MMP8: variants seen among roughly 807,000 people sequenced by gnomAD.
The protein encoded by MMP8 is matrix metallopeptidase 8, also known as neutrophil collagenase.
MMP8 carries 67 observed loss-of-function variants against 51.2 expected under a neutral mutation model. The ratio of observed to expected loss-of-function variants is 1.31; its 90% CI spans 1.08 to 1.60. The LOEUF is 1.60. Ranked by LOEUF, MMP8 falls within the 40% of genes most tolerant of loss-of-function variation. The pLI, the probability that MMP8 is intolerant of heterozygous loss-of-function variation, is 0.00. For missense variants in MMP8, 654 were observed against 558.1 expected (o/e 1.17, Z -1.73); for synonymous variants, 225 against 191.0 (o/e 1.18, Z -1.47).
intron 4 of MMP8, among the ~76,000 whole-genome samples, 195 bp from the exon 5 acceptor site, chr11:102,718,770 G>A (rs764896358): frequency 1.7e-4 from 26 of 152,188 alleles, no homozygotes; most frequent in Admixed American, 3.3e-4. Flanking sequence ...CATAGATGGC[G>A]ACTAGGTGAG....
chr11:102,718,694 C>T, intron 4 of MMP8, 119 bp from the exon 5 acceptor site: 2 of 1,080,138 alleles, frequency 1.9e-6, no homozygotes, highest in Non-Finnish European at 2.7e-6. Flanking sequence ...CTTCCCATGG[C>T]TGTCTTTTTC....
rs1321845698 is a variant in MMP8 at position 102,712,554 on chromosome 11, G to A, written c.*794C>T. On this transcript the variant is annotated 3_prime_UTR_variant, in exon 10 of 10. Coordinates refer to ENST00000236826, the MANE Select transcript of MMP8 (RefSeq NM_002424.3). ...AGGCTATTGGAGGGAATCCTTCCTT[G>A]CCTCTTCAAAGCTTCTACTGGTGGC... The A allele has an allele frequency of 6.6e-6, 1 of 152,172 alleles. No homozygotes were observed. The highest frequency in any genetic ancestry group is 2.4e-5 in the African/African-American group (1 of 41,416). The allele number at this position is 152,172 out of a possible 1,614,324, so 9.4% of individuals were successfully genotyped here. A position where few individuals can be genotyped will look rare whatever the true frequency, so the allele number is the denominator to read the frequency against.
In MMP8 at chr11:102,714,546, T is replaced by C; in HGVS notation, c.1190+10A>G. 7.0e-7 allele frequency: 1 copy of C among 1,426,216 alleles called. No individual in the cohort carries two copies. The highest frequency in any genetic ancestry group is 9.2e-7 in the Non-Finnish European group (1 of 1,081,784). The allele number at this position is 1,426,216 out of a possible 1,614,324, so 88.3% of individuals were successfully genotyped here. On this transcript the variant is annotated intron_variant, in intron 8 of 9. Coordinates refer to ENST00000236826, the MANE Select transcript of MMP8 (RefSeq NM_002424.3). ...TTTCAACCTATAATTGAAAAAATAG[T>C]TTACGTTACCTCCAGAATTGGTCAT...
chr11:102,719,459 T>C (rs1402649925), intron 4 of MMP8, among the ~76,000 whole-genome samples: 1 of 152,228 alleles, frequency 6.6e-6, no homozygotes, highest in East Asian at 1.9e-4. Context: ...GCAATCCTCA[T>C]AACATTTTTC....
intron 8 of MMP8, 44 bp from the exon 9 acceptor site, chr11:102,713,901 T>C: frequency 1.4e-6 from 2 of 1,469,926 alleles, no homozygotes; most frequent in Non-Finnish European, 9.2e-7. Flanking sequence ...CAATACAGAA[T>C]ATAACGAAAA....
Position 102,713,092 on chromosome 11 carries a change from G to T in MMP8, c.*256C>A, listed in dbSNP as rs1225289485. ...AAGTATTGAAATAGTAAATATTGAG[G>T]TGACAAAAAGGCTTACTTTCCTTCT... On this transcript the variant is annotated 3_prime_UTR_variant, in exon 10 of 10. Transcript: ENST00000236826. The T allele has an allele frequency of 2.9e-6, 1 of 340,462 alleles. No homozygotes were observed. Among genetic ancestry groups the T allele is most frequent in the African/African-American group, 2.1e-5 (1 of 46,788 alleles). 21.1% of individuals were successfully genotyped at this position (340,462 alleles called of 1,614,324 possible). A position where few individuals can be genotyped will look rare whatever the true frequency, so the allele number is the denominator to read the frequency against.
rs1861161739 is a variant in MMP8 at position 102,712,753 on chromosome 11, T to C, written c.*595A>G. On this transcript the variant is annotated 3_prime_UTR_variant, in exon 10 of 10. Transcript: ENST00000236826. The stretch of plus-strand genomic sequence containing the variant: ...TGTGATCTCACCTTAACTTAACTAA[T>C]TACATCTGCAAAGACCCTGGTAAGC... 1 of 152,234 alleles carries C rather than the reference T, an allele frequency of 6.6e-6. No individual in the cohort carries two copies. The highest frequency in any genetic ancestry group is 2.1e-4 in the South Asian group (1 of 4,830). The allele number at this position is 152,234 out of a possible 1,614,324, so 9.4% of individuals were successfully genotyped here.
In MMP8 at chr11:102,714,769, T is replaced by G. The variant is rs1345093506; in HGVS notation, c.1037-60A>C. The G allele has an allele frequency of 2.1e-4, 6 of 29,008 alleles. No homozygotes were observed. The Admixed American group carries it at 2.5e-3, about 12-fold the overall frequency. The allele number at this position is 29,008 out of a possible 1,614,324, so 1.8% of individuals were successfully genotyped here. ...TTTTCCATTTTTACAAAATTATATA[T>G]ATATATATATATATATATATATATA... On this transcript the variant is annotated intron_variant, in intron 7 of 9. Transcript: ENST00000236826.
Position 102,716,364 on chromosome 11 carries a change from G to T in MMP8, c.840C>A (p.Asp280Glu). The T allele has an allele frequency of 6.2e-7, 1 of 1,600,108 alleles. No homozygotes were observed. The change falls in exon 6 of 10, where the codon GAC becomes GAA. Residue 280 changes from aspartate to glutamate, a missense_variant. By Grantham distance (45) the Asp-to-Glu change is conservative. Transcript: ENST00000236826. The stretch of plus-strand genomic sequence containing the variant: ...TGATAGCATCAAATGTCAAACTGGG[G>T]TCACAGGGTTTGGGTGTGCTTGGTC... ...PTGPSTPKPC[D>E]PSLTFDAITT... is the part of the protein sequence containing the mutation.
chr11:102,719,880 T>A (rs1027217170), intron 4 of MMP8, among the ~76,000 whole-genome samples: 1 of 152,174 alleles, frequency 6.6e-6, no homozygotes, highest in Non-Finnish European at 1.5e-5. Context: ...ACAAAAGCTG[T>A]CAGAATTCTG....
intron 4 of MMP8, among the ~76,000 whole-genome samples, chr11:102,719,539 G>A (rs922667292): frequency 1.3e-5 from 2 of 152,140 alleles, no homozygotes; most frequent in Non-Finnish European, 2.9e-5. Context: ...GCTGGTACTT[G>A]GTCCCTCAAC....
At chr11:102,718,693 G>A in intron 4 of MMP8, 118 bp from the exon 5 acceptor site, 3 of 1,108,166 alleles carry the variant, frequency 2.7e-6, no homozygotes, top group Admixed American at 2.4e-5. Context: ...CCTTCCCATG[G>A]CTGTCTTTTT....
chr11:102,713,838 A>G lies in MMP8; in HGVS notation c.1210T>C (p.Phe404Leu), dbSNP rs570787443. The G allele has an allele frequency of 7.4e-6, 12 of 1,611,352 alleles. No individual in the cohort carries two copies. Among genetic ancestry groups the G allele is most frequent in the Non-Finnish European group, 1.0e-5 (12 of 1,178,774 alleles). ...CTTTTGGGATAACCTGGCTCCATGAATTGTCTTTGGTTATCATATCTGGTA... is the reference window on the plus strand; with the variant it reads ...CTTTTGGGATAACCTGGCTCCATGAGTTGTCTTTGGTTATCATATCTGGTA... ...QFWRYDNQRQ[F>L]MEPGYPKSIS... Residue 404 changes from phenylalanine (F) to leucine (L), a missense_variant, in exon 9 of 10, where the codon TTC becomes CTC. Coordinates refer to ENST00000236826, the MANE Select transcript of MMP8 (RefSeq NM_002424.3).
chr11:102,715,360 G>A lies in MMP8; in HGVS notation c.980C>T (p.Thr327Ile), dbSNP rs1412235116. The change falls in exon 7 of 10, where the codon ACT becomes ATT. Residue 327 changes from threonine to isoleucine, a missense_variant. Coordinates refer to ENST00000236826, the MANE Select transcript of MMP8 (RefSeq NM_002424.3). Reference sequence around the variant, plus strand: ...ATCTTCATAAGCAGCCTGTATACCAGTTGGAAGGGATGGCCAGAATAGAGA... The same window carrying A: ...ATCTTCATAAGCAGCCTGTATACCAATTGGAAGGGATGGCCAGAATAGAGA... ...FISLFWPSLP[T>I]GIQAAYEDFD... 4.3e-6 allele frequency: 7 copies of A among 1,613,738 alleles called. No homozygotes were observed. In the South Asian group the frequency reaches 5.5e-5, roughly 13 times the overall value.
chr11:102,716,455 C>G, intron 5 of MMP8, 36 bp from the exon 6 acceptor site: 8 of 1,150,840 alleles, frequency 7.0e-6, no homozygotes, highest in East Asian at 3.7e-5. Context: ...AAAGGTCTTT[C>G]TTATGAGAGT....
In MMP8 at chr11:102,713,432, T is replaced by C; in HGVS notation, c.1320A>G (p.Pro440=). 3 of 1,613,322 alleles carry C rather than the reference T, an allele frequency of 1.9e-6. No individual in the cohort carries two copies. The highest frequency in any genetic ancestry group is 8.5e-7 in the Non-Finnish European group (1 of 1,179,362). The change falls in exon 10 of 10, where the codon CCA becomes CCG. Residue 440 remains proline, a synonymous_variant. Coordinates refer to ENST00000236826, the MANE Select transcript of MMP8 (RefSeq NM_002424.3). The part of the protein sequence containing the change: ...QEHFFHVFSG[P]RYYAFDLIAQ... The stretch of plus-strand genomic sequence containing the variant: ...CAATAAGATCAAATGCGTAATATCT[T>C]GGTCCACTGAAGACATGGAAGAAAT...
In MMP8 at chr11:102,722,485, A is replaced by T; in HGVS notation, c.291T>A (p.Gly97=). ...GGTTTCCTGGGGTTAACATAAAACC[A>T]CCACTGTCAGGCACTCCACAGCGAG... ...KKPRCGVPDS[G]GFMLTPGNPK... is the part of the protein sequence containing the mutation. Residue 97 remains glycine (G), a synonymous_variant, in exon 2 of 10, where the codon GGT becomes GGA. Transcript: ENST00000236826. 1 of 1,613,892 alleles carries T rather than the reference A, an allele frequency of 6.2e-7. No homozygotes were observed. Among genetic ancestry groups the T allele is most frequent in the Non-Finnish European group, 8.5e-7 (1 of 1,179,832 alleles).
chr11:102,718,682 C>T (rs1861379944), intron 4 of MMP8, 107 bp from the exon 5 acceptor site: 3 of 1,227,186 alleles, frequency 2.4e-6, no homozygotes, highest in Middle Eastern at 2.4e-4. Flanking sequence ...AGGGAAATAG[C>T]CCTTCCCATG....
chr11:102,716,220 A>C (rs1318875768), intron 6 of MMP8, 82 bp downstream of exon 6: 2 of 988,254 alleles, frequency 2.0e-6, no homozygotes, highest in African/African-American at 3.3e-5. Context: ...GGAAAAGGTG[A>C]CTAACGTGTG....
Sources: gnomAD v4.1 joint callset for allele counts (sites outside exome capture counted in the v4.1 genomes callset) on GRCh38, gnomAD v4.1.1 for gene constraint, MANE v1.5 for transcripts, NCBI Gene and HGNC (gene_info 2026-07-23, HGNC 2026-07-21) for gene names.